SGCZ: variants seen among roughly 807,000 people sequenced by gnomAD.
The protein encoded by SGCZ is zeta-sarcoglycan.
A neutral mutation model predicts 41.3 loss-of-function variants in SGCZ; 40 were observed. The ratio of observed to expected loss-of-function variants is 0.97; its 90% CI spans 0.75 to 1.26. The LOEUF (loss-of-function observed/expected upper bound fraction) is 1.26, where lower values mean the gene tolerates loss of function less well. SGCZ is among the 50% of genes most tolerant of loss of function. SGCZ has a pLI of 0.00. For missense variants in SGCZ, 552 were observed against 369.8 expected, an observed-to-expected ratio of 1.49 and a Z score of -4.04; for synonymous variants, 206 against 137.5, an observed-to-expected ratio of 1.50 and a Z score of -3.49.
chr8:15,019,732 C>A (rs757372719), intron 1 of SGCZ, among the ~76,000 whole-genome samples: 27 of 151,638 alleles, frequency 1.8e-4, no homozygotes, highest in Non-Finnish European at 3.4e-4. Context: ...ATCTGACTGG[C>A]ATCAGTGACT....
intron 1 of SGCZ, among the ~76,000 whole-genome samples, chr8:15,155,251 C>A (rs533097299): frequency 1.3e-5 from 2 of 152,034 alleles, no homozygotes; most frequent in African/African-American, 4.8e-5. Context: ...GCTGAGATCA[C>A]GCCATTGCAC....
At chr8:14,100,052 G>T (rs569200692) in intron 7 of SGCZ, among the ~76,000 whole-genome samples, 1 of 151,862 alleles carries the variant, frequency 6.6e-6, no homozygotes, top group Non-Finnish European at 1.5e-5. Context: ...ATATTGTTTA[G>T]TAAATGATAA....
At chr8:14,287,271 A>G (rs1800674637) in intron 3 of SGCZ, among the ~76,000 whole-genome samples, 1 of 151,706 alleles carries the variant, frequency 6.6e-6, no homozygotes, top group Non-Finnish European at 1.5e-5. Context: ...TTAAACTAGG[A>G]AAAAAGGCGA....
At chr8:14,822,791 T>G (rs185329484) in intron 1 of SGCZ, among the ~76,000 whole-genome samples, 1 of 152,100 alleles carries the variant, frequency 6.6e-6, no homozygotes, top group East Asian at 1.9e-4. Context: ...AAAAATAGAC[T>G]GCTCCCTTTC....
At chr8:14,246,134 A>G (rs1799079198) in intron 3 of SGCZ, among the ~76,000 whole-genome samples, 2 of 152,224 alleles carry the variant, frequency 1.3e-5, no homozygotes, top group Admixed American at 1.3e-4. Flanking sequence ...GCTGCTATAA[A>G]GACACATGCA....
chr8:14,509,325 A>G (rs75322777), intron 2 of SGCZ, among the ~76,000 whole-genome samples: 5,237 of 152,316 alleles, frequency 0.034, 289 homozygotes, highest in African/African-American at 0.12. Context: ...TAAAAACATT[A>G]TATGATCAAA....
At chr8:15,107,386 C>T (rs986917001) in intron 1 of SGCZ, among the ~76,000 whole-genome samples, 3 of 152,076 alleles carry the variant, frequency 2.0e-5, no homozygotes, top group Non-Finnish European at 4.4e-5. Context: ...GGAGGAGATC[C>T]CTCATGCATA....
At chr8:15,070,178 T>C (rs1308724036) in intron 1 of SGCZ, among the ~76,000 whole-genome samples, 1 of 152,130 alleles carries the variant, frequency 6.6e-6, no homozygotes, top group African/African-American at 2.4e-5. Flanking sequence ...TCAGCAAGCT[T>C]CAAAGTACTC....
chr8:15,053,849 G>A (rs1804609774), intron 1 of SGCZ, among the ~76,000 whole-genome samples: 1 of 152,104 alleles, frequency 6.6e-6, no homozygotes, highest in African/African-American at 2.4e-5. Flanking sequence ...TTATGAGTTT[G>A]ACATAAACTG....
intron 2 of SGCZ, among the ~76,000 whole-genome samples, chr8:14,532,269 A>G (rs1219358894): frequency 1.3e-5 from 2 of 152,052 alleles, no homozygotes; most frequent in Non-Finnish European, 2.9e-5. Flanking sequence ...AATTGCAAGA[A>G]TATATTTACT....
At chr8:14,948,967 C>T (rs1800542335) in intron 1 of SGCZ, among the ~76,000 whole-genome samples, 1 of 151,312 alleles carries the variant, frequency 6.6e-6, no homozygotes, top group African/African-American at 2.4e-5. Flanking sequence ...TTCTCTTTTC[C>T]CTCTGATTTC....
At chr8:14,629,875 A>T (rs763854988) in intron 1 of SGCZ, among the ~76,000 whole-genome samples, 14 of 152,120 alleles carry the variant, frequency 9.2e-5, no homozygotes, top group Non-Finnish European at 1.8e-4. Flanking sequence ...TAGAATGTCC[A>T]ATCTGAGTTA....
At chr8:14,852,011 C>A (rs1360657956) in intron 1 of SGCZ, among the ~76,000 whole-genome samples, 1 of 152,110 alleles carries the variant, frequency 6.6e-6, no homozygotes, top group Non-Finnish European at 1.5e-5. Context: ...TTCTAGGAAA[C>A]AAACTTTAGC....
intron 1 of SGCZ, among the ~76,000 whole-genome samples, chr8:15,225,908 T>G (rs565367167): frequency 6.6e-6 from 1 of 152,330 alleles, no homozygotes; most frequent in East Asian, 1.9e-4. Context: ...CATCTTTAGT[T>G]AGATTTTGCA....
chr8:15,238,202 A>T lies in SGCZ; in HGVS notation c.-579T>A, dbSNP rs1802207146. The T allele has an allele frequency of 6.6e-6, 1 of 152,416 alleles. No individual in the cohort carries two copies. The highest frequency in any genetic ancestry group is 1.5e-5 in the Non-Finnish European group (1 of 68,198). The allele number at this position is 152,416 out of a possible 1,614,324, so 9.4% of individuals were successfully genotyped here. A position where few individuals can be genotyped will look rare whatever the true frequency, so the allele number is the denominator to read the frequency against. ...TGCATAGACTTAAAAAATGTCTTGT[A>T]GCTGAGAGGTATTTTCTCAGTGGGG... On this transcript the variant is annotated 5_prime_UTR_variant, in exon 1 of 8. Transcript: ENST00000382080.
intron 1 of SGCZ, among the ~76,000 whole-genome samples, chr8:14,752,614 A>G: frequency 6.6e-6 from 1 of 152,320 alleles, no homozygotes; most frequent in East Asian, 1.9e-4. Flanking sequence ...CCCTTGGTCT[A>G]TAGGAGATAC....
At chr8:14,816,716 G>A (rs766826454) in intron 1 of SGCZ, among the ~76,000 whole-genome samples, 10 of 152,252 alleles carry the variant, frequency 6.6e-5, no homozygotes, top group Non-Finnish European at 1.3e-4. Flanking sequence ...AACAGAAGAA[G>A]TATACTGATA....
At chr8:14,358,665 GC>G (rs1402742066) in intron 2 of SGCZ, among the ~76,000 whole-genome samples, 1 of 152,168 alleles carries the variant, frequency 6.6e-6, no homozygotes, top group Non-Finnish European at 1.5e-5. Flanking sequence ...AGGCTGGAGT[GC>G]AGTGGTGTGA....
In SGCZ at chr8:15,237,654, C is replaced by G. The variant is rs759398147; in HGVS notation, c.-31G>C. On this transcript the variant is annotated 5_prime_UTR_variant, in exon 1 of 8. Coordinates refer to ENST00000382080, the MANE Select transcript of SGCZ (RefSeq NM_139167.4). ...GCAACTAAACGAAGTGGAGAGGAAC[C>G]GGGCGAGTGGCACCCAAAAACAATC... 45 of 1,571,210 alleles carry G rather than the reference C, an allele frequency of 2.9e-5. 1 individual carries two copies. In the African/African-American group the frequency reaches 6.0e-4, roughly 21 times the overall value.
Sources: allele counts gnomAD v4.1 joint callset (sites outside exome capture counted in the v4.1 genomes callset), GRCh38; gene constraint gnomAD v4.1.1; transcripts MANE v1.5; gene names NCBI Gene and HGNC (gene_info 2026-07-23, HGNC 2026-07-21).